CCDC85A: variants seen among roughly 807,000 people sequenced by gnomAD.
CCDC85A encodes the protein coiled-coil domain-containing protein 85A.
Under a neutral mutation model 50.2 loss-of-function variants are expected in CCDC85A, and 38 were observed. The ratio of observed to expected loss-of-function variants is 0.76; its 90% CI spans 0.58 to 0.99. CCDC85A has a LOEUF of 0.99. Among genes scored for constraint, CCDC85A ranks in the 50% least tolerant of loss-of-function variants. The pLI is 0.00. For synonymous variants in CCDC85A, 366 were observed against 301.4 expected (o/e 1.21, Z -2.22); for missense variants, 820 against 742.0 (o/e 1.11, Z -1.22).
At chr2:56,269,400 T>G (rs1439088045) in intron 2 of CCDC85A, among the ~76,000 whole-genome samples, 1 of 151,720 alleles carries the variant, frequency 6.6e-6, no homozygotes, top group African/African-American at 2.4e-5. Context: ...GAAGCAATCT[T>G]AATGGTTGTG....
chr2:56,244,522 G>C (rs1340912473), intron 2 of CCDC85A, among the ~76,000 whole-genome samples: 1 of 151,812 alleles, frequency 6.6e-6, no homozygotes, highest in Non-Finnish European at 1.5e-5. Flanking sequence ...CCAAAGCCTG[G>C]AACCAGGGAC....
rs1669233159 is a variant in CCDC85A at position 56,241,015 on chromosome 2, C to T, written c.1240+47575C>T. ...TAATATATGAGGGTTTCAATTTCTC[C>T]ATATTATTGCCAGCATTTGCTATTG... is the stretch of plus-strand genomic sequence containing the variant. On this transcript the variant is annotated intron_variant, in intron 2 of 5. Transcript: ENST00000407595. Among the ~76,000 whole-genome samples, 3 of 152,076 alleles carry T rather than the reference C, an allele frequency of 2.0e-5. No individual in the cohort carries two copies. In the South Asian group the frequency reaches 6.2e-4, roughly 32 times the overall value.
rs759304798 is a variant in CCDC85A at position 56,384,299 on chromosome 2, T to G, written c.1606T>G (p.Ser536Ala). Residue 536 changes from serine (S) to alanine (A), a missense_variant, in exon 6 of 6, where the codon TCG becomes GCG. Physicochemically the swap from Ser to Ala is moderately conservative, Grantham distance 99. Coordinates refer to ENST00000407595, the MANE Select transcript of CCDC85A (RefSeq NM_001080433.2). ...GAGGAAACTTGGAGATGCTGCAGGT[T>G]CGTGTCCTGGAATTAGGCAACATTT... ...VWRKLGDAAG[S>A]CPGIRQHLSG... The G allele has an allele frequency of 6.2e-7, 1 of 1,611,352 alleles. No individual in the cohort carries two copies. Among genetic ancestry groups the G allele is most frequent in the East Asian group, 2.2e-5 (1 of 44,788 alleles).
chr2:56,252,648 C>T (rs977064060), intron 2 of CCDC85A, among the ~76,000 whole-genome samples: 2 of 152,056 alleles, frequency 1.3e-5, no homozygotes, highest in African/African-American at 4.8e-5. Context: ...ACCCATCAAC[C>T]CGTCATCTAC....
chr2:56,305,346 C>T (rs994453650), intron 2 of CCDC85A, among the ~76,000 whole-genome samples: 3 of 152,158 alleles, frequency 2.0e-5, no homozygotes, highest in African/African-American at 7.2e-5. Flanking sequence ...TTATTATCCC[C>T]ATTTTACTGA....
At chr2:56,249,076 A>T (rs1669635526) in intron 2 of CCDC85A, among the ~76,000 whole-genome samples, 2 of 152,200 alleles carry the variant, frequency 1.3e-5, no homozygotes, top group South Asian at 4.1e-4. Flanking sequence ...AAATAGCAGG[A>T]CCTTCTCTCT....
intron 2 of CCDC85A, among the ~76,000 whole-genome samples, chr2:56,304,522 G>T (rs905444064): frequency 2.6e-5 from 4 of 152,138 alleles, no homozygotes; most frequent in African/African-American, 9.7e-5. Flanking sequence ...GCTGGTGGCA[G>T]AATAGGAAAT....
chr2:56,293,612 G>C (rs1386970730), intron 2 of CCDC85A, among the ~76,000 whole-genome samples: 1 of 150,396 alleles, frequency 6.6e-6, no homozygotes, highest in Non-Finnish European at 1.5e-5. Context: ...AAATTTACAA[G>C]AAAAAAACAA....
chr2:56,349,052 G>C (rs190355126), intron 3 of CCDC85A, among the ~76,000 whole-genome samples: 41 of 152,272 alleles, frequency 2.7e-4, no homozygotes, highest in African/African-American at 9.1e-4. Context: ...TATTTGCATA[G>C]AAATTACCAT....
At chr2:56,242,395 A>C (rs540768991) in intron 2 of CCDC85A, among the ~76,000 whole-genome samples, 1 of 152,134 alleles carries the variant, frequency 6.6e-6, no homozygotes, top group African/African-American at 2.4e-5. Flanking sequence ...CAGGAAGCTT[A>C]CAATCATGGC....
rs546129867 is a variant in CCDC85A, at chr2:56,281,024, C to T, written c.1241-61855C>T. On this transcript the variant is annotated intron_variant, in intron 2 of 5. Transcript: ENST00000407595. ...TGAGTTTTGGCCAAGAGTATGTCCA[C>T]GTAACCAATACTTAAATAAAGATTT... Among the ~76,000 whole-genome samples the T allele has an allele frequency of 1.6e-4, 25 of 152,186 alleles. 1 individual carries two copies. In the South Asian group the frequency reaches 5.0e-3, roughly 30 times the overall value.
At chr2:56,244,335 A>G (rs980546289) in intron 2 of CCDC85A, among the ~76,000 whole-genome samples, 5 of 152,042 alleles carry the variant, frequency 3.3e-5, no homozygotes, top group Admixed American at 6.5e-5. Flanking sequence ...ATCACTGCCT[A>G]TGCCTACCAC....
chr2:56,264,183 A>G (rs1024041610), intron 2 of CCDC85A, among the ~76,000 whole-genome samples: 6 of 152,000 alleles, frequency 3.9e-5, no homozygotes, highest in Non-Finnish European at 7.4e-5. Context: ...TATTATCTCT[A>G]TGCTATCCAC....
intron 2 of CCDC85A, among the ~76,000 whole-genome samples, chr2:56,323,065 G>C (rs950539653): frequency 6.6e-6 from 1 of 152,066 alleles, no homozygotes; most frequent in Non-Finnish European, 1.5e-5. Flanking sequence ...AATACCGCAT[G>C]TTCTCACTCA....
intron 2 of CCDC85A, among the ~76,000 whole-genome samples, chr2:56,278,007 T>C (rs938924161): frequency 7.9e-5 from 12 of 152,244 alleles, no homozygotes; most frequent in African/African-American, 2.9e-4. Flanking sequence ...TGTGTGAACA[T>C]GGGGGAGATG....
rs948196506 is a variant in CCDC85A, at chr2:56,252,693, G to GC, written c.1240+59260dup. On this transcript the variant is annotated intron_variant, in intron 2 of 5. Transcript: ENST00000407595. Reference sequence around the variant, plus strand: ...TTCTCCTAATGTTATCCCTCCTCGGGCCCCCCCGCCCAACCGACAGGCCCC... The same window carrying GC: ...TTCTCCTAATGTTATCCCTCCTCGGGCCCCCCCCGCCCAACCGACAGGCCCC... Among the ~76,000 whole-genome samples, 32 of 151,942 alleles carry GC rather than the reference G, an allele frequency of 2.1e-4. No individual in the cohort carries two copies. In the South Asian group the frequency reaches 2.3e-3, roughly 11 times the overall value.
At chr2:56,364,801 G>A (rs1675708045) in intron 3 of CCDC85A, among the ~76,000 whole-genome samples, 1 of 152,090 alleles carries the variant, frequency 6.6e-6, no homozygotes, top group Admixed American at 6.5e-5. Flanking sequence ...CATCAATATT[G>A]TCCTTTTAAT....
intron 2 of CCDC85A, among the ~76,000 whole-genome samples, chr2:56,207,747 G>A (rs531221497): frequency 6.6e-6 from 1 of 152,208 alleles, no homozygotes; most frequent in Non-Finnish European, 1.5e-5. Flanking sequence ...GGACTGTAAA[G>A]GAAACAAAAT....
At chr2:56,264,227 C>A (rs969654719) in intron 2 of CCDC85A, among the ~76,000 whole-genome samples, 7 of 152,082 alleles carry the variant, frequency 4.6e-5, no homozygotes, top group African/African-American at 1.4e-4. Context: ...AACTTTCCTT[C>A]AGAACTCCAG....
Sources: allele counts gnomAD v4.1 joint callset (sites outside exome capture counted in the v4.1 genomes callset), GRCh38; gene constraint gnomAD v4.1.1; transcripts MANE v1.5; gene names NCBI Gene and HGNC (gene_info 2026-07-23, HGNC 2026-07-21).